ZNF100: variants seen among roughly 807,000 people sequenced by gnomAD.
The protein encoded by ZNF100 is zinc finger protein 100 (Y1).
ZNF100 carries 12 observed loss-of-function variants against 15.8 expected under a neutral mutation model. That is an observed-to-expected ratio of 0.76 (90% CI 0.49 to 1.23). The LOEUF is 1.23. Among genes scored for constraint, ZNF100 ranks in the 50% most tolerant of loss-of-function variants. The pLI, the probability that ZNF100 is intolerant of heterozygous loss-of-function variation, is 0.00. For synonymous variants in ZNF100, 226 were observed against 214.8 expected (o/e 1.05, Z -0.45); for missense variants, 670 against 635.6 (o/e 1.05, Z -0.58).
intron 1 of ZNF100, 76 bp downstream of exon 1, chr19:21,767,351 C>T (rs2036581835): frequency 1.2e-6 from 2 of 1,608,866 alleles, no homozygotes; most frequent in South Asian, 1.1e-5. Flanking sequence ...AGGCCTGAGT[C>T]CCGCCACAGC....
intron 2 of ZNF100, among the ~76,000 whole-genome samples, chr19:21,748,852 G>A (rs566236599): frequency 6.6e-6 from 1 of 152,258 alleles, no homozygotes; most frequent in East Asian, 1.9e-4. Context: ...TTACAGGCAT[G>A]CACCACCTCG....
At position 21,727,614 on chromosome 19, in the gene ZNF100, T is replaced by C; in HGVS notation, c.698A>G (p.Tyr233Cys). The change falls in exon 5 of 5, where the codon TAC (tyrosine) becomes TGC (cysteine). Residue 233 changes from tyrosine to cysteine, a missense_variant. By Grantham distance (194) the Tyr-to-Cys change is radical. Coordinates refer to ENST00000358296, the MANE Select transcript of ZNF100 (RefSeq NM_173531.4). The stretch of plus-strand genomic sequence containing the variant: ...GGCTTTGCCACAATCTTTACATTGG[T>C]AGGAATTCTCTGTAATATGAAATCT... Reference protein sequence around the residue: ...HKRFHITENSYQCKDCGKAFN... With the variant: ...HKRFHITENSCQCKDCGKAFN... The C allele has an allele frequency of 6.2e-7, 1 of 1,612,426 alleles. No homozygotes were observed. Among genetic ancestry groups the C allele is most frequent in the Non-Finnish European group, 8.5e-7 (1 of 1,179,324 alleles).
At chr19:21,760,165 T>C (rs940602206) in intron 2 of ZNF100, among the ~76,000 whole-genome samples, 17 of 130,756 alleles carry the variant, frequency 1.3e-4, no homozygotes, top group Non-Finnish European at 1.8e-4. Flanking sequence ...CTGAGCAAAA[T>C]AGTGAGACTC....
intron 2 of ZNF100, chr19:21,752,336 A>G (rs561055035): frequency 6.5e-6 from 1 of 152,850 alleles, no homozygotes; most frequent in East Asian, 1.9e-4. Flanking sequence ...ATGCCTTTAG[A>G]ATCAATGCAG....
intron 2 of ZNF100, among the ~76,000 whole-genome samples, chr19:21,760,250 T>G (rs1020471842): frequency 2.3e-4 from 35 of 151,754 alleles, no homozygotes; most frequent in Admixed American, 2.6e-4. Flanking sequence ...AATTACACTT[T>G]GGGAGGCTGA....
At chr19:21,750,765 T>G in intron 2 of ZNF100, 2 of 355,382 alleles carry the variant, frequency 5.6e-6, no homozygotes, top group Non-Finnish European at 5.1e-6. Context: ...GCGCCATTGT[T>G]GGGGGAGGGG....
In ZNF100 at chr19:21,744,091, T is replaced by G. The variant is rs2036169275; in HGVS notation, c.248A>C (p.Asp83Ala). ...TCCTTGCTCCAGACAGGTGATCAGG[T>G]CTGGCTTAGTGAGAGCAATACCTGC... ...FLAGIALTKP[D>A]LITCLEQGKE... Residue 83 changes from aspartate to alanine, a missense_variant, in exon 4 of 5, where the codon GAC becomes GCC. Physicochemically the swap from Asp to Ala is moderately radical, Grantham distance 126 (BLOSUM62 -2). Coordinates refer to ENST00000358296, the MANE Select transcript of ZNF100 (RefSeq NM_173531.4). The G allele has an allele frequency of 6.2e-7, 1 of 1,610,292 alleles. No individual in the cohort carries two copies. The highest frequency in any genetic ancestry group is 1.7e-5 in the Admixed American group (1 of 58,944).
chr19:21,759,636 A>T (rs1489753680), intron 2 of ZNF100, among the ~76,000 whole-genome samples: 2 of 152,190 alleles, frequency 1.3e-5, no homozygotes, highest in Non-Finnish European at 2.9e-5. Flanking sequence ...AGTTTGCAGT[A>T]AAGAAGTGGG....
chr19:21,764,723 G>A (rs1206339586), intron 2 of ZNF100, among the ~76,000 whole-genome samples: 1 of 150,648 alleles, frequency 6.6e-6, no homozygotes, highest in African/African-American at 2.4e-5. Context: ...AAATTATTTT[G>A]TAAACAATGA....
intron 2 of ZNF100, among the ~76,000 whole-genome samples, chr19:21,763,628 A>T (rs755780642): frequency 3.3e-5 from 5 of 152,298 alleles, no homozygotes; most frequent in Admixed American, 2.6e-4. Flanking sequence ...TCAGTGGTCT[A>T]AGTAAAATTT....
At position 21,726,737 on chromosome 19, in the gene ZNF100, G is replaced by A; in HGVS notation, c.1575C>T (p.Ser525=). 6.2e-7 allele frequency: 1 copy of A among 1,612,670 alleles called. No homozygotes were observed. The change falls in exon 5 of 5, where the codon TCC becomes TCT. Residue 525 remains serine, a synonymous_variant. Transcript: ENST00000358296. ...WEECGKDFNQ[S]LSLIKQNNSY... is the part of the protein sequence containing the mutation. ...AGTTATTTTGTTTAATAAGGCTTAG[G>A]GACTGGTTAAAGTCTTTACCACATT...
At chr19:21,752,936 C>T (rs895598326) in intron 2 of ZNF100, 21 of 152,344 alleles carry the variant, frequency 1.4e-4, no homozygotes, top group African/African-American at 4.3e-4. Flanking sequence ...AACTTCCTGG[C>T]TTCGCGCCAT....
intron 4 of ZNF100, 82 bp downstream of exon 4, chr19:21,743,935 C>A: frequency 1.4e-6 from 2 of 1,392,548 alleles, no homozygotes; most frequent in East Asian, 2.7e-5. Context: ...CATAGCTTCC[C>A]AAACCACATT....
At position 21,741,917 on chromosome 19, in the gene ZNF100, ATCC is replaced by A. The variant is rs200355278; in HGVS notation, c.322+2097_322+2099del. Among the ~76,000 whole-genome samples the A allele has an allele frequency of 2.0e-3, 299 of 152,172 alleles. 6 individuals carry two copies. In the East Asian group the frequency reaches 0.053, roughly 27 times the overall value. On this transcript the variant is annotated intron_variant, in intron 4 of 4. Transcript: ENST00000358296. ...GGTCTCAAACTTTTGGGCTCAAGTGATCCTCCTTTCTTGACCTCCCAAAATCCT... is the reference window on the plus strand; with the variant it reads ...GGTCTCAAACTTTTGGGCTCAAGTGATCCTTTCTTGACCTCCCAAAATCCT...
At chr19:21,762,519 T>G in intron 2 of ZNF100, among the ~76,000 whole-genome samples, 1 of 152,210 alleles carries the variant, frequency 6.6e-6, no homozygotes, top group East Asian at 1.9e-4. Flanking sequence ...CACCTATTGT[T>G]GGAACTGGGA....
chr19:21,746,077 G>T (rs1200146434), intron 2 of ZNF100, among the ~76,000 whole-genome samples: 1 of 152,216 alleles, frequency 6.6e-6, no homozygotes, highest in Non-Finnish European at 1.5e-5. Flanking sequence ...AAGAAAAATA[G>T]TTAACTCTGT....
chr19:21,766,416 T>A (rs1369603866), intron 1 of ZNF100, among the ~76,000 whole-genome samples: 3 of 144,274 alleles, frequency 2.1e-5, no homozygotes, highest in Non-Finnish European at 1.5e-5. Context: ...GGTTCCTACT[T>A]AAAAAAAAAA....
At chr19:21,744,369 A>T (rs2145717733) in intron 3 of ZNF100, among the ~76,000 whole-genome samples, 1 of 152,244 alleles carries the variant, frequency 6.6e-6, no homozygotes, top group South Asian at 2.1e-4. Flanking sequence ...ATATGTACAT[A>T]TATATACATT....
chr19:21,751,253 A>C, intron 2 of ZNF100: 3 of 1,173,264 alleles, frequency 2.6e-6, no homozygotes, highest in Non-Finnish European at 3.8e-6. Context: ...AGCCAGCCTA[A>C]CCTTAGAACC....
Sources: gnomAD v4.1 joint callset for allele counts (sites outside exome capture counted in the v4.1 genomes callset) on GRCh38, gnomAD v4.1.1 for gene constraint, MANE v1.5 for transcripts, NCBI Gene and HGNC (gene_info 2026-07-23, HGNC 2026-07-21) for gene names.